The following ARHGAP44 variants were observed in gnomAD, a reference collection of about 807,000 sequenced individuals.
ARHGAP44 encodes the protein Rho GTPase activating protein 44, also known as rho GTPase-activating protein 44.
ARHGAP44 carries 43 observed loss-of-function variants against 106.8 expected under a neutral mutation model. The ratio of observed to expected loss-of-function variants is 0.40; its 90% CI spans 0.32 to 0.52. The LOEUF (loss-of-function observed/expected upper bound fraction) is 0.52. Among genes scored for constraint, ARHGAP44 ranks in the 20% least tolerant of loss-of-function variants. The pLI is 0.48. For missense variants in ARHGAP44, 866 were observed against 1,050.5 expected (o/e 0.82, Z 2.43); for synonymous variants, 439 against 410.3 (o/e 1.07, Z -0.85).
At position 12,802,952 on chromosome 17, in the gene ARHGAP44, TATATATATATATATATA is replaced by T. The variant is rs1234906931; in HGVS notation, c.53+13062_53+13078del. ...TTATATATATATATATATATATATATATATATATATATATATATTTTTTTTTTTTTTTTTTTTTGAGG... is the reference window on the plus strand; with the variant it reads ...TTATATATATATATATATATATATATTTTTTTTTTTTTTTTTTTTTTGAGG... On this transcript the variant is annotated intron_variant, in intron 1 of 20. Transcript: ENST00000379672. 6.8e-3 allele frequency among the ~76,000 whole-genome samples: 161 copies of T among 23,844 alleles called. 7 individuals carry two copies. The highest frequency in any genetic ancestry group is 0.027 in the African/African-American group (98 of 3,618). The allele number at this position is 23,844 out of a possible 152,430, so 15.6% of individuals were successfully genotyped here. A position where few individuals can be genotyped will look rare whatever the true frequency, so the allele number is the denominator to read the frequency against.
intron 1 of ARHGAP44, among the ~76,000 whole-genome samples, chr17:12,848,319 TG>T (rs1387765134): frequency 6.6e-6 from 1 of 152,200 alleles, no homozygotes; most frequent in Non-Finnish European, 1.5e-5. Context: ...CCATCTCTCC[TG>T]GGATCTCCTT....
intron 1 of ARHGAP44, among the ~76,000 whole-genome samples, chr17:12,845,063 G>A (rs889513748): frequency 6.6e-6 from 1 of 152,122 alleles, no homozygotes; most frequent in Non-Finnish European, 1.5e-5. Flanking sequence ...ATCTTGGAGG[G>A]TTTATAGAAG....
At chr17:12,896,246 C>T (rs997450953) in intron 2 of ARHGAP44, among the ~76,000 whole-genome samples, 161 bp from the exon 3 acceptor site, 3 of 151,290 alleles carry the variant, frequency 2.0e-5, no homozygotes, top group African/African-American at 7.3e-5. Context: ...TACCTTAGAA[C>T]TTAAAGTATA....
chr17:12,990,245 T>C lies in ARHGAP44; in HGVS notation c.*74T>C, dbSNP rs569698017. On this transcript the variant is annotated 3_prime_UTR_variant, in exon 21 of 21. Transcript: ENST00000379672. ...GGAACGCCGCCAGGAGCAGCGTCCA[T>C]GAGCTTGCCAAGTGTTCTCTGCTGG... The C allele has an allele frequency of 1.2e-4, 182 of 1,532,750 alleles. 1 individual carries two copies. Among genetic ancestry groups the C allele is most frequent in the South Asian group, 4.6e-4 (38 of 82,946 alleles). The allele number at this position is 1,532,750 out of a possible 1,614,324, so 94.9% of individuals were successfully genotyped here. A position where few individuals can be genotyped will look rare whatever the true frequency, so the allele number is the denominator to read the frequency against.
chr17:12,827,517 G>A (rs937125990), intron 1 of ARHGAP44, among the ~76,000 whole-genome samples: 34 of 152,004 alleles, frequency 2.2e-4, no homozygotes, highest in Non-Finnish European at 3.2e-4. Flanking sequence ...TTCCAGTAAT[G>A]CCCACATAAT....
At chr17:12,808,532 C>G (rs988646712) in intron 1 of ARHGAP44, among the ~76,000 whole-genome samples, 1 of 152,266 alleles carries the variant, frequency 6.6e-6, no homozygotes, top group Admixed American at 6.5e-5. Context: ...AGGCATAGGG[C>G]TTGCATCCTC....
chr17:12,814,170 G>A (rs1291734329), intron 1 of ARHGAP44, among the ~76,000 whole-genome samples: 4 of 151,374 alleles, frequency 2.6e-5, no homozygotes, highest in Non-Finnish European at 4.4e-5. Flanking sequence ...CTCTCCTTGG[G>A]TGGTGGGGGG....
intron 7 of ARHGAP44, among the ~76,000 whole-genome samples, chr17:12,933,684 A>G (rs1262184955): frequency 6.6e-6 from 1 of 152,220 alleles, no homozygotes; most frequent in Non-Finnish European, 1.5e-5. Flanking sequence ...ATGTAACAAT[A>G]GAGAAGACAG....
In ARHGAP44 at chr17:12,789,898, C is replaced by A; in HGVS notation, c.53+7C>A. ...CCAACCAGACGGTGGGCAGGTAGGT[C>A]ACCCGCGGGCACCGCTGTCGGTGCG... On this transcript the variant is annotated splice_region_variant and intron_variant, in intron 1 of 20. Transcript: ENST00000379672. 1.3e-6 allele frequency: 2 copies of A among 1,516,982 alleles called. No homozygotes were observed. The highest frequency in any genetic ancestry group is 2.5e-5 in the South Asian group (2 of 80,486). 94.0% of individuals were successfully genotyped at this position (1,516,982 alleles called of 1,614,324 possible).
intron 7 of ARHGAP44, among the ~76,000 whole-genome samples, chr17:12,931,869 CACACACACACAT>C (rs1567694368): frequency 6.6e-6 from 1 of 150,688 alleles, no homozygotes; most frequent in Non-Finnish European, 1.5e-5. Flanking sequence ...CACACACACA[CACACACACACAT>C]ATCATGATTT....
chr17:12,826,051 T>G (rs1259218584), intron 1 of ARHGAP44, among the ~76,000 whole-genome samples: 1 of 152,218 alleles, frequency 6.6e-6, no homozygotes, highest in East Asian at 1.9e-4. Flanking sequence ...TCTCTAATTT[T>G]TGACAAGTTT....
In ARHGAP44 at chr17:12,852,976, G is replaced by A. The variant is rs536945359; in HGVS notation, c.54-41964G>A. 3.9e-5 allele frequency among the ~76,000 whole-genome samples: 6 copies of A among 152,344 alleles called. No homozygotes were observed. In the South Asian group the frequency reaches 1.2e-3, roughly 32 times the overall value. On this transcript the variant is annotated intron_variant, in intron 1 of 20. Transcript: ENST00000379672. ...TGTGAGGAACGGTATTTGTGACAGG[G>A]TTCTCTAGAGGGACAGGACTGATAG...
At chr17:12,989,210 A>G (rs1422785399) in intron 20 of ARHGAP44, among the ~76,000 whole-genome samples, 6 of 151,416 alleles carry the variant, frequency 4.0e-5, no homozygotes, top group Non-Finnish European at 8.8e-5. Flanking sequence ...GCTGTAGCAC[A>G]TCCTGGAGGA....
chr17:12,841,110 T>C (rs919939779), intron 1 of ARHGAP44, among the ~76,000 whole-genome samples: 1 of 152,152 alleles, frequency 6.6e-6, no homozygotes, highest in African/African-American at 2.4e-5. Context: ...AAATATATAA[T>C]AACCTTAGAA....
rs1260599618 is a variant in ARHGAP44, at chr17:12,956,098, A to G, written c.1250+118A>G. 5 of 687,602 alleles carry G rather than the reference A, an allele frequency of 7.3e-6. No individual in the cohort carries two copies. The Admixed American group carries it at 1.4e-4, about 20-fold the overall frequency. 42.6% of individuals were successfully genotyped at this position (687,602 alleles called of 1,614,324 possible). A position where few individuals can be genotyped will look rare whatever the true frequency, so the allele number is the denominator to read the frequency against. The stretch of plus-strand genomic sequence containing the variant: ...CAGCCTCATGTATTTTCCAAACCCT[A>G]TTTCTTTGTTGGCCTGCTCCTCTTT... On this transcript the variant is annotated intron_variant, in intron 14 of 20. Transcript: ENST00000379672.
intron 4 of ARHGAP44, among the ~76,000 whole-genome samples, chr17:12,913,532 C>T (rs953186479): frequency 2.0e-5 from 3 of 152,110 alleles, no homozygotes; most frequent in African/African-American, 7.2e-5. Flanking sequence ...GCTAAATTCT[C>T]ATTTTCTGTA....
At chr17:12,929,099 G>A in intron 7 of ARHGAP44, 53 bp downstream of exon 7, 2 of 1,514,886 alleles carry the variant, frequency 1.3e-6, no homozygotes, top group Non-Finnish European at 1.8e-6. Flanking sequence ...AGCCCTCAGG[G>A]ATTCCCTTTT....
chr17:12,860,979 C>T (rs1006526115), intron 1 of ARHGAP44, among the ~76,000 whole-genome samples: 2 of 151,662 alleles, frequency 1.3e-5, no homozygotes, highest in African/African-American at 4.9e-5. Context: ...GCCTCAGCCT[C>T]CTAAGTACCT....
rs1480956675 is a variant in ARHGAP44, at chr17:12,973,603, AAAG to A, written c.1541+288_1541+290del. 259 of 528,882 alleles carry A rather than the reference AAAG, an allele frequency of 4.9e-4. 1 individual carries two copies. Among genetic ancestry groups the A allele is most frequent in the Non-Finnish European group, 7.1e-4 (213 of 300,876 alleles). 32.8% of individuals were successfully genotyped at this position (528,882 alleles called of 1,614,324 possible). A position where few individuals can be genotyped will look rare whatever the true frequency, so the allele number is the denominator to read the frequency against. Reference sequence around the variant, plus strand: ...GCTGGGGCTAGACTCCAAGTTACAAAAAGAAGGATTCATATTTAGATGTCTCCT... The same window carrying A: ...GCTGGGGCTAGACTCCAAGTTACAAAAAGGATTCATATTTAGATGTCTCCT... On this transcript the variant is annotated intron_variant, in intron 17 of 20. Transcript: ENST00000379672.
Sources: allele counts gnomAD v4.1 joint callset (sites outside exome capture counted in the v4.1 genomes callset), GRCh38; gene constraint gnomAD v4.1.1; transcripts MANE v1.5; gene names NCBI Gene and HGNC (gene_info 2026-07-23, HGNC 2026-07-21).